Variants in ZBTB46 observed in about 807,000 individuals in gnomAD.
ZBTB46 encodes zinc finger and BTB domain containing 46, also known as zinc finger and BTB domain-containing protein 46.
Under a neutral mutation model 44.1 loss-of-function variants are expected in ZBTB46, and 8 were observed. That is an observed-to-expected ratio of 0.18 (90% confidence interval 0.11 to 0.33). The LOEUF is 0.33. Ranked by LOEUF, ZBTB46 falls within the 10% of genes least tolerant of loss-of-function variation. The pLI, the probability that ZBTB46 is intolerant of heterozygous loss-of-function variation, is 1.00. For missense variants in ZBTB46, 651 were observed against 847.7 expected, an observed-to-expected ratio of 0.77 and a Z score of 2.88; for synonymous variants, 409 against 382.3, an observed-to-expected ratio of 1.07 and a Z score of -0.81.
rs2092092418 is a variant in ZBTB46, at chr20:63,746,677, T to C, written c.*253A>G. 5.9e-6 allele frequency: 3 copies of C among 507,726 alleles called. No individual in the cohort carries two copies. Among genetic ancestry groups the C allele is most frequent in the Non-Finnish European group, 1.0e-5 (3 of 301,266 alleles). The allele number at this position is 507,726 out of a possible 1,614,324, so 31.5% of individuals were successfully genotyped here. A position where few individuals can be genotyped will look rare whatever the true frequency, so the allele number is the denominator to read the frequency against. On this transcript the variant is annotated 3_prime_UTR_variant, in exon 5 of 5. Coordinates refer to ENST00000245663, the MANE Select transcript of ZBTB46 (RefSeq NM_001369741.1). The stretch of plus-strand genomic sequence containing the variant: ...ACCACCTGCTGGGGACTTAGGACCG[T>C]GCTCTCCCTTCACTCAAACCCACCC...
chr20:63,778,078 C>T (rs544458734), intron 2 of ZBTB46, among the ~76,000 whole-genome samples: 5 of 152,152 alleles, frequency 3.3e-5, no homozygotes, highest in Non-Finnish European at 5.9e-5. Flanking sequence ...CCCTCTGAGC[C>T]GAGGAAAATG....
chr20:63,781,483 G>A (rs2092469680), intron 2 of ZBTB46, among the ~76,000 whole-genome samples: 1 of 152,198 alleles, frequency 6.6e-6, no homozygotes, highest in African/African-American at 2.4e-5. Context: ...CGCCATCAAA[G>A]AAATGCAAAT....
chr20:63,756,010 G>A (rs749575468), intron 3 of ZBTB46, among the ~76,000 whole-genome samples: 6 of 152,276 alleles, frequency 3.9e-5, no homozygotes, highest in African/African-American at 9.6e-5. Context: ...GACATTCAGC[G>A]ACATCCGGCT....
intron 1 of ZBTB46, among the ~76,000 whole-genome samples, chr20:63,809,321 G>T (rs1252087889): frequency 2.0e-5 from 3 of 152,224 alleles, no homozygotes; most frequent in African/African-American, 7.2e-5. Flanking sequence ...GGGGTCCTGG[G>T]GTTCGGCACA....
chr20:63,755,621 C>T (rs773157132), intron 3 of ZBTB46, among the ~76,000 whole-genome samples: 1 of 152,222 alleles, frequency 6.6e-6, no homozygotes, highest in Non-Finnish European at 1.5e-5. Flanking sequence ...GGAGTGTTCA[C>T]TGCTCAACCC....
chr20:63,773,005 G>A (rs115388167), intron 3 of ZBTB46, among the ~76,000 whole-genome samples: 2,550 of 152,250 alleles, frequency 0.017, 77 homozygotes, highest in African/African-American at 0.058. Flanking sequence ...CACCAAGGCC[G>A]AGCTGGGGTA....
Position 63,803,394 on chromosome 20 carries a change from C to G in ZBTB46, c.-33-12604G>C. ...GTGAGCTCCTGACTAGAAAACACTC[C>G]AAGACATGTTAGCAGAGTCGTCTTT... On this transcript the variant is annotated intron_variant, in intron 1 of 4. Coordinates refer to ENST00000245663, the MANE Select transcript of ZBTB46 (RefSeq NM_001369741.1). The surrounding 1 kb of genome is among the most constrained non-coding windows in gnomAD (Gnocchi z 4.0). 1.0e-6 allele frequency: 1 copy of G among 985,456 alleles called. No homozygotes were observed. 61.0% of individuals were successfully genotyped at this position (985,456 alleles called of 1,614,324 possible).
chr20:63,810,578 T>C (rs189454818), intron 1 of ZBTB46, among the ~76,000 whole-genome samples: 16 of 152,232 alleles, frequency 1.1e-4, no homozygotes, highest in African/African-American at 3.6e-4. Context: ...AAACTCTGTC[T>C]TTACTAAAAA....
chr20:63,775,331 G>A (rs940605553), intron 3 of ZBTB46: 5 of 225,874 alleles, frequency 2.2e-5, no homozygotes, highest in Non-Finnish European at 4.3e-5. Flanking sequence ...GGGCGCCCGA[G>A]CCCGTCTCTG....
At chr20:63,817,439 G>A (rs1305549178) in intron 1 of ZBTB46, among the ~76,000 whole-genome samples, 1 of 151,834 alleles carries the variant, frequency 6.6e-6, no homozygotes, top group Non-Finnish European at 1.5e-5. Context: ...AAGAGGCCGG[G>A]TGCAGTGGCT....
rs772149743 is a variant in ZBTB46 at position 63,767,755 on chromosome 20, G to A, written c.1222+7923C>T. On this transcript the variant is annotated intron_variant, in intron 3 of 4. Coordinates refer to ENST00000245663, the MANE Select transcript of ZBTB46 (RefSeq NM_001369741.1). This position sits in a 1 kb window ranked among gnomAD's most constrained non-coding sequence, Gnocchi z 5.0. ...CTGGCCTCAGGGTAAAGCTGTCAGC[G>A]CCCAAGGAGCTCCAGGCGAGGCCAA... The A allele has an allele frequency of 2.2e-4, 93 of 429,712 alleles. No individual in the cohort carries two copies. Among genetic ancestry groups the A allele is most frequent in the Admixed American group, 2.6e-4 (4 of 15,614 alleles). The allele number at this position is 429,712 out of a possible 1,614,324, so 26.6% of individuals were successfully genotyped here.
At chr20:63,830,410 C>T (rs1309543598) in intron 1 of ZBTB46, among the ~76,000 whole-genome samples, 2 of 150,414 alleles carry the variant, frequency 1.3e-5, no homozygotes, top group African/African-American at 2.4e-5. Context: ...CCGCGCGCCC[C>T]GAGCCCTCCG....
At chr20:63,783,312 C>G (rs547443732) in intron 2 of ZBTB46, among the ~76,000 whole-genome samples, 1 of 152,142 alleles carries the variant, frequency 6.6e-6, no homozygotes, top group Non-Finnish European at 1.5e-5. Flanking sequence ...GCCTGTAGTC[C>G]CAGCTACTCG....
rs371766981 is a variant in ZBTB46 at position 63,747,334 on chromosome 20, T to A, written c.1399-33A>T. 36 of 744,776 alleles carry A rather than the reference T, an allele frequency of 4.8e-5. 1 individual carries two copies. Among genetic ancestry groups the A allele is most frequent in the Admixed American group, 3.0e-4 (3 of 10,026 alleles). The allele number at this position is 744,776 out of a possible 1,614,324, so 46.1% of individuals were successfully genotyped here. ...GGCAGGGCAGGGGGTGAGCAGGGCC[T>A]GGTGGGTTGGGGGGCGGGGCAGGGG... On this transcript the variant is annotated intron_variant, in intron 4 of 4. Transcript: ENST00000245663.
intron 4 of ZBTB46, among the ~76,000 whole-genome samples, chr20:63,748,148 C>T (rs1431394601): frequency 6.6e-6 from 1 of 152,258 alleles, no homozygotes; most frequent in Non-Finnish European, 1.5e-5. Context: ...CAGGCTGTTT[C>T]AAGGTCGACT....
At chr20:63,769,404 G>A in intron 3 of ZBTB46, 1 of 985,430 alleles carries the variant, frequency 1.0e-6, no homozygotes, top group Non-Finnish European at 1.2e-6. Context: ...AGGAAAGGAG[G>A]AGTCTCACCC....
intron 3 of ZBTB46, among the ~76,000 whole-genome samples, chr20:63,769,600 C>T (rs899268421): frequency 2.0e-5 from 3 of 152,220 alleles, no homozygotes; most frequent in Non-Finnish European, 4.4e-5. Context: ...CGGTGTGTCT[C>T]TTTCCTAGGA....
At chr20:63,824,603 G>A (rs2092810269) in intron 1 of ZBTB46, among the ~76,000 whole-genome samples, 1 of 152,054 alleles carries the variant, frequency 6.6e-6, no homozygotes, top group African/African-American at 2.4e-5. Context: ...ACGTGGCCAA[G>A]GAACACTTAC....
chr20:63,771,930 G>C (rs760532502), intron 3 of ZBTB46, among the ~76,000 whole-genome samples: 4 of 152,006 alleles, frequency 2.6e-5, no homozygotes, highest in Non-Finnish European at 4.4e-5. Context: ...GGGGCATCCA[G>C]TTCACAGCCC....
Sources: allele counts gnomAD v4.1 joint callset (sites outside exome capture counted in the v4.1 genomes callset), GRCh38; gene constraint gnomAD v4.1.1; non-coding constraint Gnocchi (gnomAD v3.1); transcripts MANE v1.5; gene names NCBI Gene and HGNC (gene_info 2026-07-23, HGNC 2026-07-21).